GPHN: variants seen among roughly 807,000 people sequenced by gnomAD.
GPHN encodes the protein gephyrin.
GPHN carries 17 observed loss-of-function variants against 95.5 expected under a neutral mutation model. That is an observed-to-expected ratio of 0.18 (90% CI 0.12 to 0.27). GPHN has a LOEUF of 0.27. GPHN is among the 10% of genes least tolerant of loss of function. The probability of loss-of-function intolerance (pLI) is 1.00; values close to 1 mark genes in which losing one functional copy is unlikely to be tolerated. For synonymous variants in GPHN, 320 were observed against 322.5 expected (o/e 0.99, Z 0.08); for missense variants, 660 against 978.1 (o/e 0.67, Z 4.34).
At chr14:67,116,261 CAAAG>C (rs1356467630) in intron 16 of GPHN, among the ~76,000 whole-genome samples, 6 of 100,770 alleles carry the variant, frequency 6.0e-5, no homozygotes, top group Non-Finnish European at 1.3e-4. Flanking sequence ...CAGAGTGAGA[CAAAG>C]AAAGAAAAGA....
chr14:67,693,565 G>A, the GPHN span, among the ~76,000 whole-genome samples: 35 of 149,980 alleles, frequency 2.3e-4, no homozygotes, highest in Non-Finnish European at 3.9e-4. Context: ...TTAAAACAAA[G>A]AGAAGATTAT....
At chr14:67,570,634 C>T in the GPHN span, 1 of 152,398 alleles carries the variant, frequency 6.6e-6, no homozygotes, top group Non-Finnish European at 1.5e-5. Context: ...CCTGTGTGCA[C>T]ACAAAAGGTG....
chr14:66,786,103 C>A (rs1373344552), intron 3 of GPHN, among the ~76,000 whole-genome samples: 1 of 152,064 alleles, frequency 6.6e-6, no homozygotes, highest in African/African-American at 2.4e-5. Context: ...AAAATAAAAT[C>A]TGCTTCTTTA....
chr14:66,987,151 A>T (rs978656303), intron 9 of GPHN, among the ~76,000 whole-genome samples: 1 of 152,142 alleles, frequency 6.6e-6, no homozygotes, highest in African/African-American at 2.4e-5. Flanking sequence ...GTGTATCCTG[A>T]TGATATATCA....
chr14:67,136,761 A>C (rs901176084), intron 17 of GPHN, among the ~76,000 whole-genome samples: 1 of 152,202 alleles, frequency 6.6e-6, no homozygotes, highest in Non-Finnish European at 1.5e-5. Context: ...ATACATTCTT[A>C]GCATTAAAGC....
chr14:67,605,844 G>A, the GPHN span, among the ~76,000 whole-genome samples: 1 of 151,978 alleles, frequency 6.6e-6, no homozygotes, highest in Admixed American at 6.6e-5. Flanking sequence ...CCCCATGTCT[G>A]GCTAATTTTT....
chr14:66,624,722 A>G (rs1280185931), intron 1 of GPHN, among the ~76,000 whole-genome samples: 1 of 152,148 alleles, frequency 6.6e-6, no homozygotes, highest in Non-Finnish European at 1.5e-5. Context: ...GCATTGGGGG[A>G]AAAAGAATAC....
intron 8 of GPHN, among the ~76,000 whole-genome samples, chr14:66,934,032 G>A (rs994509940): frequency 1.3e-5 from 2 of 151,840 alleles, no homozygotes; most frequent in Admixed American, 6.6e-5. Context: ...CCAGCTACTT[G>A]GGAGGCTGAG....
chr14:67,559,292 C>T, the GPHN span, among the ~76,000 whole-genome samples: 1 of 152,218 alleles, frequency 6.6e-6, no homozygotes, highest in East Asian at 1.9e-4. Flanking sequence ...CCTCTCTCTC[C>T]CTCCCCAGTC....
chr14:66,698,370 A>G (rs1215072171), intron 2 of GPHN, among the ~76,000 whole-genome samples: 2 of 152,144 alleles, frequency 1.3e-5, no homozygotes, highest in Non-Finnish European at 2.9e-5. Flanking sequence ...CAGAATTCAT[A>G]GGTAAAAAGG....
At chr14:67,501,225 A>G in the GPHN span, among the ~76,000 whole-genome samples, 4 of 152,132 alleles carry the variant, frequency 2.6e-5, no homozygotes, top group African/African-American at 7.2e-5. Flanking sequence ...TCCCAGAGTC[A>G]TGGCAGTGGA....
the GPHN span, among the ~76,000 whole-genome samples, chr14:67,215,769 G>T: frequency 1.3e-5 from 2 of 152,002 alleles, no homozygotes; most frequent in African/African-American, 2.4e-5. Flanking sequence ...TCATTGATCA[G>T]GTCTGGTCAC....
chr14:66,759,430 G>A (rs1427642139), intron 2 of GPHN, among the ~76,000 whole-genome samples: 1 of 152,192 alleles, frequency 6.6e-6, no homozygotes, highest in Non-Finnish European at 1.5e-5. Context: ...TTCTCTAATT[G>A]TGTCCTGTTG....
chr14:67,246,032 G>A, the GPHN span, among the ~76,000 whole-genome samples: 2 of 151,880 alleles, frequency 1.3e-5, no homozygotes, highest in African/African-American at 2.4e-5. Flanking sequence ...TATTCCTCTT[G>A]TCTCTTTGTC....
the GPHN span, among the ~76,000 whole-genome samples, chr14:67,389,222 A>G: frequency 1.3e-5 from 2 of 152,126 alleles, no homozygotes; most frequent in Admixed American, 1.3e-4. Flanking sequence ...AAAATGGTTA[A>G]ATAAAATACT....
the GPHN span, chr14:67,729,134 G>T: frequency 1.9e-6 from 3 of 1,552,992 alleles, no homozygotes; most frequent in African/African-American, 4.1e-5. Flanking sequence ...CAGGAGATAA[G>T]CTGTTTTCCT....
chr14:66,626,848 A>C (rs1054755066), intron 1 of GPHN, among the ~76,000 whole-genome samples: 10 of 152,104 alleles, frequency 6.6e-5, no homozygotes, highest in African/African-American at 2.4e-4. Context: ...ATGGAAAATC[A>C]ACAGCTGATA....
At chr14:67,198,340 T>C in the GPHN span, 1 of 1,599,862 alleles carries the variant, frequency 6.3e-7, no homozygotes, top group East Asian at 2.2e-5. Flanking sequence ...ATTCAAGGCC[T>C]GAGTTAAGTT....
chr14:67,463,638 CAAAAAA>C, the GPHN span, among the ~76,000 whole-genome samples: 5 of 54,828 alleles, frequency 9.1e-5, no homozygotes, highest in East Asian at 1.3e-3. Context: ...GACTCCGTCT[CAAAAAA>C]AAAAAAAAAA....
Sources: gnomAD v4.1 joint callset for allele counts (sites outside exome capture counted in the v4.1 genomes callset) on GRCh38, gnomAD v4.1.1 for gene constraint, MANE v1.5 for transcripts, NCBI Gene and HGNC (gene_info 2026-07-23, HGNC 2026-07-21) for gene names.